GRK5: variants seen among roughly 807,000 people sequenced by gnomAD.
GRK5 encodes G protein-coupled receptor kinase 5.
In GRK5, 40 loss-of-function variants were observed where a neutral mutation model predicts 78.4. That is an observed-to-expected ratio of 0.51 (90% CI 0.40 to 0.66). GRK5 has a LOEUF of 0.66. GRK5 is among the 30% of genes least tolerant of loss of function. The pLI is 0.00. For missense variants in GRK5, 598 were observed against 759.9 expected (o/e 0.79, Z 2.50); for synonymous variants, 289 against 296.8 (o/e 0.97, Z 0.27).
At position 119,452,842 on chromosome 10, in the gene GRK5, TGGGAGGGA is replaced by T; in HGVS notation, c.1542+39_1542+46del. 3.8e-6 allele frequency: 2 copies of T among 521,220 alleles called. No homozygotes were observed. Among genetic ancestry groups the T allele is most frequent in the Non-Finnish European group, 7.7e-6 (2 of 260,096 alleles). The allele number at this position is 521,220 out of a possible 1,614,324, so 32.3% of individuals were successfully genotyped here. A position where few individuals can be genotyped will look rare whatever the true frequency, so the allele number is the denominator to read the frequency against. On this transcript the variant is annotated intron_variant, in intron 14 of 15. Coordinates refer to ENST00000392870, the MANE Select transcript of GRK5 (RefSeq NM_005308.3). The surrounding 1 kb of genome is among the most constrained non-coding windows in gnomAD (Gnocchi z 4.4). ...GGCAGACCACTTGCTTTGGTCTGGGTGGGAGGGAGGGACTGACGGGTGGAAGGAGGCGT... is the reference window on the plus strand; with the variant it reads ...GGCAGACCACTTGCTTTGGTCTGGGTGGGACTGACGGGTGGAAGGAGGCGT...
At chr10:119,400,394 T>C (rs1271371725) in intron 4 of GRK5, among the ~76,000 whole-genome samples, 1 of 151,958 alleles carries the variant, frequency 6.6e-6, no homozygotes, top group Non-Finnish European at 1.5e-5. Flanking sequence ...GCAGTGGGCA[T>C]TTGGGGCTAT....
chr10:119,329,101 C>T (rs780500759), intron 2 of GRK5, among the ~76,000 whole-genome samples: 2 of 152,172 alleles, frequency 1.3e-5, no homozygotes, highest in Non-Finnish European at 2.9e-5. Flanking sequence ...TAAGTGACCA[C>T]TCAACTTATG....
intron 1 of GRK5, among the ~76,000 whole-genome samples, chr10:119,284,286 A>G (rs1192274945): frequency 6.6e-6 from 1 of 152,126 alleles, no homozygotes; most frequent in Non-Finnish European, 1.5e-5. Flanking sequence ...TATTTAATCC[A>G]GTATCTGCAA....
chr10:119,359,291 T>G (rs1261857466), intron 2 of GRK5, among the ~76,000 whole-genome samples: 2 of 152,160 alleles, frequency 1.3e-5, no homozygotes, highest in Non-Finnish European at 2.9e-5. Context: ...GGGGCCTATT[T>G]CAGGGAACCC....
chr10:119,259,356 G>A (rs751503745), intron 1 of GRK5, among the ~76,000 whole-genome samples: 2 of 152,078 alleles, frequency 1.3e-5, no homozygotes, highest in Non-Finnish European at 1.5e-5. Context: ...GAGCCACTGC[G>A]CCCGGCCTAA....
intron 3 of GRK5, among the ~76,000 whole-genome samples, chr10:119,393,869 T>C (rs1354662007): frequency 6.6e-6 from 1 of 152,092 alleles, no homozygotes; most frequent in Non-Finnish European, 1.5e-5. Context: ...GGGGTGTGTG[T>C]CTGTGTGTGG....
chr10:119,209,305 G>A (rs1168124125), intron 1 of GRK5, among the ~76,000 whole-genome samples: 1 of 152,092 alleles, frequency 6.6e-6, no homozygotes, highest in South Asian at 2.1e-4. Context: ...AGCAGCCAGT[G>A]GGCAAGAAGG....
In GRK5 at chr10:119,434,998, G is replaced by T. The variant is rs1852891346; in HGVS notation, c.739-1653G>T. 2.0e-5 allele frequency among the ~76,000 whole-genome samples: 3 copies of T among 152,352 alleles called. No homozygotes were observed. In the South Asian group the frequency reaches 6.2e-4, roughly 32 times the overall value. On this transcript the variant is annotated intron_variant, in intron 8 of 15. Coordinates refer to ENST00000392870, the MANE Select transcript of GRK5 (RefSeq NM_005308.3). ...GCAGGCTCAACACCACATGGAAGCT[G>T]CCAAGGCTTGGGGCTTCCACCATGG... is the stretch of plus-strand genomic sequence containing the variant.
rs548743289 is a variant in GRK5, at chr10:119,355,745, A to G, written c.149-25070A>G. Reference sequence around the variant, plus strand: ...CAATGAGCTGAGATTGAGCCACTGCACTCCAACAGCTTGGGTGACAGAGCA... The same window carrying G: ...CAATGAGCTGAGATTGAGCCACTGCGCTCCAACAGCTTGGGTGACAGAGCA... On this transcript the variant is annotated intron_variant, in intron 2 of 15. Transcript: ENST00000392870. Among the ~76,000 whole-genome samples the G allele has an allele frequency of 6.1e-4, 93 of 152,208 alleles. 2 individuals are homozygous for G. In the South Asian group the frequency reaches 0.017, roughly 28 times the overall value.
chr10:119,421,769 T>A (rs915358828), intron 4 of GRK5, among the ~76,000 whole-genome samples: 1 of 152,182 alleles, frequency 6.6e-6, no homozygotes, highest in Non-Finnish European at 1.5e-5. Context: ...CTCTCAGGCC[T>A]GGCTCAGCTG....
At chr10:119,338,180 C>T (rs1229598796) in intron 2 of GRK5, among the ~76,000 whole-genome samples, 3 of 152,138 alleles carry the variant, frequency 2.0e-5, no homozygotes, top group Admixed American at 1.3e-4. Flanking sequence ...TGAGGGTGGA[C>T]ACTCCTTCTC....
At chr10:119,398,989 C>T (rs555185795) in intron 4 of GRK5, among the ~76,000 whole-genome samples, 11 of 130,322 alleles carry the variant, frequency 8.4e-5, no homozygotes, top group African/African-American at 1.0e-4. Context: ...GGGCTGCCAC[C>T]GGGTTGCCCC....
chr10:119,222,756 GC>G (rs1257824804), intron 1 of GRK5, among the ~76,000 whole-genome samples: 3 of 152,236 alleles, frequency 2.0e-5, no homozygotes, highest in African/African-American at 7.2e-5. Flanking sequence ...GGGAAGGGCT[GC>G]CCCTTCACTG....
chr10:119,285,487 C>T (rs1047017015), intron 1 of GRK5, among the ~76,000 whole-genome samples: 2 of 152,094 alleles, frequency 1.3e-5, no homozygotes, highest in Non-Finnish European at 2.9e-5. Context: ...TTAAGTCTGT[C>T]CCGGGGAAGT....
chr10:119,405,642 G>A (rs61876093), intron 4 of GRK5, among the ~76,000 whole-genome samples: 2 of 151,434 alleles, frequency 1.3e-5, no homozygotes, highest in African/African-American at 4.9e-5. Context: ...TCTGGCACAG[G>A]CAGTCAGCTT....
rs370536036 is a variant in GRK5, at chr10:119,427,200, C to T, written c.533+2115C>T. On this transcript the variant is annotated intron_variant, in intron 6 of 15. Coordinates refer to ENST00000392870, the MANE Select transcript of GRK5 (RefSeq NM_005308.3). ...GCATCACCGCCATCATCAGTATCAC[C>T]GCCATCAACAGCATCACTGCCTTCA... Among the ~76,000 whole-genome samples, 963 of 151,834 alleles carry T rather than the reference C, an allele frequency of 6.3e-3. 4 individuals are homozygous for T. Among genetic ancestry groups the T allele is most frequent in the South Asian group, 0.021 (101 of 4,796 alleles).
chr10:119,218,154 G>A (rs1342271505), intron 1 of GRK5, among the ~76,000 whole-genome samples: 1 of 152,028 alleles, frequency 6.6e-6, no homozygotes, highest in Non-Finnish European at 1.5e-5. Context: ...AGGCAAGGGA[G>A]TGTATAAGAG....
chr10:119,380,862 C>T lies in GRK5; in HGVS notation c.196C>T (p.Leu66Phe), dbSNP rs549815612. ...TGACAAGCAGCCAATCGGGAGGCTG[C>T]TTTTCCGGCAGTTTTGTGAAACCAG... ...LCDKQPIGRL[L>F]FRQFCETRPG... The change falls in exon 3 of 16, where the codon CTT (leucine) becomes TTT (phenylalanine). Residue 66 changes from leucine (L) to phenylalanine (F), a missense_variant. By Grantham distance (22) the Leu-to-Phe change is conservative. Transcript: ENST00000392870. 1.2e-6 allele frequency: 2 copies of T among 1,613,576 alleles called. No individual in the cohort carries two copies. The highest frequency in any genetic ancestry group is 3.3e-5 in the Admixed American group (2 of 60,016).
chr10:119,228,446 C>T (rs1415733494), intron 1 of GRK5, among the ~76,000 whole-genome samples: 1 of 16,626 alleles, frequency 6.0e-5, no homozygotes, highest in East Asian at 3.5e-3. Flanking sequence ...GACCCAATCT[C>T]TAAAAAAAAA....
Sources: allele counts gnomAD v4.1 joint callset (sites outside exome capture counted in the v4.1 genomes callset), GRCh38; gene constraint gnomAD v4.1.1; non-coding constraint Gnocchi (gnomAD v3.1); transcripts MANE v1.5; gene names NCBI Gene and HGNC (gene_info 2026-07-23, HGNC 2026-07-21).